Variants in PIAS1 observed in about 807,000 individuals in gnomAD.
The protein encoded by PIAS1 is E3 SUMO-protein ligase PIAS1.
Under a neutral mutation model 71.3 loss-of-function variants are expected in PIAS1, and 6 were observed. The ratio of observed to expected loss-of-function variants is 0.08; its 90% CI spans 0.05 to 0.17. The LOEUF (loss-of-function observed/expected upper bound fraction) is 0.17. Among genes scored for constraint, PIAS1 ranks in the 10% least tolerant of loss-of-function variants. The pLI, the probability that PIAS1 is intolerant of heterozygous loss-of-function variation, is 1.00. For synonymous variants in PIAS1, 303 were observed against 292.9 expected (o/e 1.03, Z -0.35); for missense variants, 555 against 793.6 (o/e 0.70, Z 3.61).
At chr15:68,057,196 T>C (rs953447131) in intron 1 of PIAS1, among the ~76,000 whole-genome samples, 10 of 152,190 alleles carry the variant, frequency 6.6e-5, no homozygotes, top group Admixed American at 2.0e-4. Context: ...CCAATAAAAA[T>C]TAGATTGTGA....
Position 68,101,008 on chromosome 15 carries a change from G to GC in PIAS1, c.469+14260dup, listed in dbSNP as rs542303518. Among the ~76,000 whole-genome samples, 12 of 151,254 alleles carry GC rather than the reference G, an allele frequency of 7.9e-5. No homozygotes were observed. The South Asian group carries it at 1.9e-3, about 24-fold the overall frequency. On this transcript the variant is annotated intron_variant, in intron 2 of 13. Transcript: ENST00000249636. ...CCTCCCTGGCTCAGGTGATCCTCCC[G>GC]CCTCTCAAGCCTCCCAGGTAGTCAG...
intron 1 of PIAS1, among the ~76,000 whole-genome samples, chr15:68,077,182 A>G (rs760716387): frequency 3.0e-4 from 46 of 152,206 alleles, no homozygotes; most frequent in Non-Finnish European, 2.6e-4. Flanking sequence ...TAAAAGAATA[A>G]CACATACCAT....
rs892931147 is a variant in PIAS1, at chr15:68,184,818, T to C, written c.1662+1151T>C. On this transcript the variant is annotated intron_variant, in intron 13 of 13. Coordinates refer to ENST00000249636, the MANE Select transcript of PIAS1 (RefSeq NM_016166.3). Reference sequence around the variant, plus strand: ...GGCTTTTAAGGACAAGATAACAGTCTTGCTTGGGGCCATATTGCAGGCTAC... The same window carrying C: ...GGCTTTTAAGGACAAGATAACAGTCCTGCTTGGGGCCATATTGCAGGCTAC... 2.6e-5 allele frequency: 4 copies of C among 153,498 alleles called. No individual in the cohort carries two copies. The East Asian group carries it at 7.7e-4, about 30-fold the overall frequency. 9.5% of individuals were successfully genotyped at this position (153,498 alleles called of 1,614,324 possible).
Position 68,069,803 on chromosome 15 carries a change from C to CA in PIAS1, c.24+15472dup, listed in dbSNP as rs56693841. Reference sequence around the variant, plus strand: ...TGGGTGACAGAGCAAGACTCCGTCTCAAAAAAAAAAAAAAAAAAAGAAATT... The same window carrying CA: ...TGGGTGACAGAGCAAGACTCCGTCTCAAAAAAAAAAAAAAAAAAAAGAAATT... On this transcript the variant is annotated intron_variant, in intron 1 of 13. Transcript: ENST00000249636. 1.0e-2 allele frequency among the ~76,000 whole-genome samples: 1,011 copies of CA among 101,230 alleles called. 15 individuals are homozygous for CA. The highest frequency in any genetic ancestry group is 0.024 in the African/African-American group (632 of 26,736). 66.4% of individuals were successfully genotyped at this position (101,230 alleles called of 152,430 possible).
Position 68,054,332 on chromosome 15 carries a change from G to C in PIAS1, c.6G>C (p.Ala2=). 2 of 1,576,254 alleles carry C rather than the reference G, an allele frequency of 1.3e-6. No homozygotes were observed. Among genetic ancestry groups the C allele is most frequent in the South Asian group, 1.2e-5 (1 of 85,924 alleles). M[A]DSAELKQMVM... ...CTTGCGCTGACAGACGCAAGATGGC[G>C]GACAGTGCGGAACTAAAGGTAAAGC... is the stretch of plus-strand genomic sequence containing the variant. Residue 2 remains alanine (A), a synonymous_variant, in exon 1 of 14, where the codon GCG becomes GCC. Transcript: ENST00000249636. This position sits in a 1 kb window ranked among gnomAD's most constrained non-coding sequence, Gnocchi z 4.6.
intron 1 of PIAS1, among the ~76,000 whole-genome samples, chr15:68,077,830 T>C (rs1440301584): frequency 1.3e-5 from 2 of 152,244 alleles, no homozygotes; most frequent in Admixed American, 1.3e-4. Flanking sequence ...CTCCTGTTAC[T>C]CGGAAATAGT....
intron 2 of PIAS1, among the ~76,000 whole-genome samples, chr15:68,100,112 A>C (rs1336078673): frequency 2.6e-5 from 4 of 152,174 alleles, no homozygotes; most frequent in East Asian, 1.9e-4. Flanking sequence ...AAAAAAAAAA[A>C]AACACCTTTT....
intron 1 of PIAS1, among the ~76,000 whole-genome samples, chr15:68,065,558 A>T (rs1007394053): frequency 6.6e-6 from 1 of 150,524 alleles, no homozygotes; most frequent in African/African-American, 2.4e-5. Flanking sequence ...CTGCACTCCA[A>T]CTGGGTGACA....
At chr15:68,063,544 TCTG>T (rs1469589171) in intron 1 of PIAS1, among the ~76,000 whole-genome samples, 1 of 152,236 alleles carries the variant, frequency 6.6e-6, no homozygotes, top group African/African-American at 2.4e-5. Flanking sequence ...TTTTTGGGTA[TCTG>T]CTGTGTATGA....
rs1339641923 is a variant in PIAS1 at position 68,135,022 on chromosome 15, C to T, written c.470-6924C>T. Among the ~76,000 whole-genome samples, 12 of 47,966 alleles carry T rather than the reference C, an allele frequency of 2.5e-4. No individual in the cohort carries two copies. In the East Asian group the frequency reaches 5.6e-3, roughly 22 times the overall value. 31.5% of individuals were successfully genotyped at this position (47,966 alleles called of 152,430 possible). On this transcript the variant is annotated intron_variant, in intron 2 of 13. Transcript: ENST00000249636. ...GGCGGCTGGCCGGGCAGAGGGGCTC[C>T]TCACTTCCCAGTAGGGGCGGCCGGG...
In PIAS1 at chr15:68,185,447, T is replaced by C. The variant is rs2093081568; in HGVS notation, c.1662+1780T>C. 6.6e-6 allele frequency among the ~76,000 whole-genome samples: 1 copy of C among 152,200 alleles called. No homozygotes were observed. ...CTGTGGTTGACATGGCAAACAACTT[T>C]AACCTAGATGTAGATGAGGATGACA... On this transcript the variant is annotated intron_variant, in intron 13 of 13. Transcript: ENST00000249636. The surrounding 1 kb of genome is among the most constrained non-coding windows in gnomAD (Gnocchi z 4.4).
chr15:68,145,917 A>G lies in PIAS1; in HGVS notation c.693+11A>G, dbSNP rs757018985. On this transcript the variant is annotated intron_variant, in intron 5 of 13. Coordinates refer to ENST00000249636, the MANE Select transcript of PIAS1 (RefSeq NM_016166.3). ...CCTTGCAGCCTTCCAGTAAGTCCTAAGAGCTGTTTTTTAAAATTCATTGCC... is the reference window on the plus strand; with the variant it reads ...CCTTGCAGCCTTCCAGTAAGTCCTAGGAGCTGTTTTTTAAAATTCATTGCC... The G allele has an allele frequency of 2.9e-5, 44 of 1,525,634 alleles. No individual in the cohort carries two copies. Among genetic ancestry groups the G allele is most frequent in the Admixed American group, 6.7e-5 (4 of 59,522 alleles). The allele number at this position is 1,525,634 out of a possible 1,614,324, so 94.5% of individuals were successfully genotyped here.
At chr15:68,139,913 A>AT (rs1004742250) in intron 2 of PIAS1, among the ~76,000 whole-genome samples, 1 of 152,108 alleles carries the variant, frequency 6.6e-6, no homozygotes, top group Admixed American at 6.5e-5. Context: ...TTTGTCCAGA[A>AT]TTTTTTTGAA....
chr15:68,077,684 T>A (rs1393119470), intron 1 of PIAS1, among the ~76,000 whole-genome samples: 1 of 152,244 alleles, frequency 6.6e-6, no homozygotes, highest in Admixed American at 6.5e-5. Context: ...TCTGTTGCTG[T>A]TATTTCCAAA....
At position 68,111,078 on chromosome 15, in the gene PIAS1, A is replaced by G. The variant is rs573076767; in HGVS notation, c.469+24328A>G. ...TTATGGTTATCTGCTCTTAGTCCCC[A>G]TACTCCATACTCCAAATCTTGAATT... On this transcript the variant is annotated intron_variant, in intron 2 of 13. Transcript: ENST00000249636. Among the ~76,000 whole-genome samples the G allele has an allele frequency of 3.3e-5, 5 of 152,298 alleles. No homozygotes were observed. The South Asian group carries it at 1.0e-3, about 32-fold the overall frequency.
chr15:68,123,667 T>C (rs1211927708), intron 2 of PIAS1, among the ~76,000 whole-genome samples: 2 of 152,282 alleles, frequency 1.3e-5, no homozygotes, highest in Non-Finnish European at 1.5e-5. Context: ...AACAATTTGC[T>C]TAGAAACTAA....
rs577052308 is a variant in PIAS1, at chr15:68,085,622, G to A, written c.25-684G>A. Among the ~76,000 whole-genome samples the A allele has an allele frequency of 7.5e-4, 114 of 152,262 alleles. 1 individual carries two copies. The highest frequency in any genetic ancestry group is 2.6e-3 in the African/African-American group (106 of 41,550). On this transcript the variant is annotated intron_variant, in intron 1 of 13. Transcript: ENST00000249636. The stretch of plus-strand genomic sequence containing the variant: ...TTTGAATCCTGACTACTCCTTAGTA[G>A]CTTTATGGCTTTATAAGTTATCTAA...
At chr15:68,090,080 A>T (rs565088082) in intron 2 of PIAS1, among the ~76,000 whole-genome samples, 1 of 151,486 alleles carries the variant, frequency 6.6e-6, no homozygotes, top group African/African-American at 2.4e-5. Flanking sequence ...GGGTCTCATC[A>T]TGTCAGCCAG....
At position 68,192,182 on chromosome 15, in the gene PIAS1, G is replaced by A. The variant is rs1010616043; in HGVS notation, c.*4347G>A. 5.3e-5 allele frequency: 8 copies of A among 152,000 alleles called. No individual in the cohort carries two copies. The highest frequency in any genetic ancestry group is 1.9e-4 in the African/African-American group (8 of 41,354). The allele number at this position is 152,000 out of a possible 1,614,324, so 9.4% of individuals were successfully genotyped here. A position where few individuals can be genotyped will look rare whatever the true frequency, so the allele number is the denominator to read the frequency against. ...GGCTGTGCAGGATTTACTTCCTAAT[G>A]TCCATGACTGGAGCTCAAAAGAACT... On this transcript the variant is annotated 3_prime_UTR_variant, in exon 14 of 14. Transcript: ENST00000249636.
Sources: gnomAD v4.1 joint callset for allele counts (sites outside exome capture counted in the v4.1 genomes callset) on GRCh38, gnomAD v4.1.1 for gene constraint, Gnocchi (gnomAD v3.1) non-coding constraint, MANE v1.5 for transcripts, NCBI Gene and HGNC (gene_info 2026-07-23, HGNC 2026-07-21) for gene names.